DNAJC1: variants seen among roughly 807,000 people sequenced by gnomAD.
The protein encoded by DNAJC1 is dnaJ homolog subfamily C member 1.
A neutral mutation model predicts 76.6 loss-of-function variants in DNAJC1; 58 were observed. The observed-to-expected ratio is 0.76, with a 90% CI of 0.61 to 0.94. The LOEUF (loss-of-function observed/expected upper bound fraction) is 0.94. DNAJC1 is among the 40% of genes least tolerant of loss of function. The probability of loss-of-function intolerance (pLI) is 0.00; values close to 1 mark genes in which losing one functional copy is unlikely to be tolerated. For synonymous variants in DNAJC1, 258 were observed against 267.9 expected, an observed-to-expected ratio of 0.96 and a Z score of 0.36; for missense variants, 689 against 677.3, an observed-to-expected ratio of 1.02 and a Z score of -0.19.
At chr10:21,833,895 GAA>G (rs1325523563) in intron 8 of DNAJC1, among the ~76,000 whole-genome samples, 2 of 152,138 alleles carry the variant, frequency 1.3e-5, no homozygotes, top group Non-Finnish European at 2.9e-5. Context: ...AAGTGGCACA[GAA>G]ATGTGCTACT....
intron 9 of DNAJC1, among the ~76,000 whole-genome samples, chr10:21,799,386 T>A (rs768193915): frequency 1.3e-5 from 2 of 151,998 alleles, no homozygotes; most frequent in Non-Finnish European, 2.9e-5. Flanking sequence ...GCAACCTCGA[T>A]CTCCTGGGCT....
At chr10:21,964,797 T>C (rs145806364) in intron 1 of DNAJC1, among the ~76,000 whole-genome samples, 70 of 152,120 alleles carry the variant, frequency 4.6e-4, no homozygotes, top group African/African-American at 1.5e-3. Context: ...TCACTTGGCA[T>C]AGAATTCTAG....
intron 1 of DNAJC1, among the ~76,000 whole-genome samples, chr10:21,952,828 T>C (rs1433094978): frequency 6.6e-6 from 1 of 152,148 alleles, no homozygotes; most frequent in Non-Finnish European, 1.5e-5. Flanking sequence ...CTCAAACTCC[T>C]AGGTTCAAGC....
intron 1 of DNAJC1, among the ~76,000 whole-genome samples, chr10:21,963,563 T>C (rs1320804607): frequency 6.6e-6 from 1 of 152,230 alleles, no homozygotes; most frequent in Non-Finnish European, 1.5e-5. Flanking sequence ...TATGAACACT[T>C]ATGCATAAAA....
intron 9 of DNAJC1, chr10:21,785,202 T>C (rs992550769): frequency 6.6e-6 from 1 of 152,246 alleles, no homozygotes; most frequent in Admixed American, 6.5e-5. Context: ...AAGAGGCCAA[T>C]TCTATCCTCT....
At chr10:21,999,331 C>T (rs538747708) in intron 1 of DNAJC1, among the ~76,000 whole-genome samples, 1 of 152,122 alleles carries the variant, frequency 6.6e-6, no homozygotes, top group Non-Finnish European at 1.5e-5. Context: ...CCAGCTGATC[C>T]CTTTGTCTTT....
At chr10:21,826,656 A>G (rs1271305021) in intron 8 of DNAJC1, among the ~76,000 whole-genome samples, 2 of 152,160 alleles carry the variant, frequency 1.3e-5, no homozygotes, top group Admixed American at 1.3e-4. Flanking sequence ...TATATCTTTG[A>G]CCCATTTTTG....
intron 1 of DNAJC1, among the ~76,000 whole-genome samples, chr10:21,984,115 T>C (rs1469219723): frequency 1.3e-5 from 2 of 152,158 alleles, no homozygotes; most frequent in Non-Finnish European, 2.9e-5. Context: ...TCAAAAGTGG[T>C]TTTCTTCTAA....
intron 8 of DNAJC1, among the ~76,000 whole-genome samples, chr10:21,875,782 G>A (rs1836177545): frequency 6.6e-6 from 1 of 152,050 alleles, no homozygotes; most frequent in Non-Finnish European, 1.5e-5. Context: ...AAAATTAGCT[G>A]GGTGTGGCAG....
intron 6 of DNAJC1, among the ~76,000 whole-genome samples, chr10:21,916,421 G>A (rs1181180626): frequency 1.3e-5 from 2 of 152,044 alleles, no homozygotes; most frequent in African/African-American, 2.4e-5. Flanking sequence ...CCCGGGAGGC[G>A]GAGCTTGCAG....
At chr10:21,993,398 G>A (rs74122712) in intron 1 of DNAJC1, among the ~76,000 whole-genome samples, 10 of 152,280 alleles carry the variant, frequency 6.6e-5, no homozygotes, top group African/African-American at 1.9e-4. Flanking sequence ...GCTCAAGGCA[G>A]GGCATCACTA....
In DNAJC1 at chr10:22,003,428, C is replaced by T. The variant is rs1454128876; in HGVS notation, c.7G>A (p.Ala3Thr). MT[A>T]PCSQPAQLPG... ...AGCTGCGCCGGCTGGGAGCAAGGAG[C>T]CGTCATCGCGCTGGGCTCGGAAAGG... The change falls in exon 1 of 12, where the codon GCT (alanine) becomes ACT (threonine). Residue 3 changes from alanine to threonine, a missense_variant. Transcript: ENST00000376980. The T allele has an allele frequency of 2.9e-6, 4 of 1,364,552 alleles. No homozygotes were observed. In the African/African-American group the frequency reaches 4.6e-5, roughly 16 times the overall value. 84.5% of individuals were successfully genotyped at this position (1,364,552 alleles called of 1,614,324 possible).
At chr10:21,884,902 C>T (rs1175103824) in intron 7 of DNAJC1, among the ~76,000 whole-genome samples, 1 of 152,028 alleles carries the variant, frequency 6.6e-6, no homozygotes, top group Non-Finnish European at 1.5e-5. Flanking sequence ...TGAAATACTG[C>T]TATAAGCTAA....
intron 9 of DNAJC1, among the ~76,000 whole-genome samples, chr10:21,781,718 C>CAAAAAAA (rs1298897674): frequency 2.3e-5 from 2 of 87,302 alleles, no homozygotes; most frequent in African/African-American, 4.7e-5. Flanking sequence ...GCGACTGTCT[C>CAAAAAAA]AAAAAAAAAA....
intron 9 of DNAJC1, among the ~76,000 whole-genome samples, chr10:21,777,413 A>G (rs1278847056): frequency 6.6e-6 from 1 of 152,218 alleles, no homozygotes; most frequent in Non-Finnish European, 1.5e-5. Context: ...GTTCCATTAG[A>G]GCATAATGAG....
intron 8 of DNAJC1, among the ~76,000 whole-genome samples, chr10:21,825,858 T>A (rs906719621): frequency 1.3e-5 from 2 of 152,216 alleles, no homozygotes; most frequent in Admixed American, 6.5e-5. Flanking sequence ...CCTTTGCTCA[T>A]CTTTGAACTG....
chr10:21,946,085 G>T (rs1837501250), intron 1 of DNAJC1, among the ~76,000 whole-genome samples: 1 of 105,174 alleles, frequency 9.5e-6, no homozygotes. Flanking sequence ...CTGTTGCCCA[G>T]GCTGGAGTGC....
chr10:21,881,969 A>G (rs1836288213), intron 8 of DNAJC1, among the ~76,000 whole-genome samples: 1 of 151,794 alleles, frequency 6.6e-6, no homozygotes, highest in Non-Finnish European at 1.5e-5. Context: ...CCTGGCTAAC[A>G]CGGTGAAACC....
At chr10:21,837,279 C>T (rs916907456) in intron 8 of DNAJC1, among the ~76,000 whole-genome samples, 22 of 152,298 alleles carry the variant, frequency 1.4e-4, no homozygotes, top group African/African-American at 4.8e-4. Context: ...ACCTCCCAGC[C>T]GCCTGCCTTG....
Sources: allele counts gnomAD v4.1 joint callset (sites outside exome capture counted in the v4.1 genomes callset), GRCh38; gene constraint gnomAD v4.1.1; transcripts MANE v1.5; gene names NCBI Gene and HGNC (gene_info 2026-07-23, HGNC 2026-07-21).